PSMA6: variants seen among roughly 807,000 people sequenced by gnomAD.
PSMA6 encodes proteasome subunit alpha type-6.
For missense variants in PSMA6, 170 were observed against 294.8 expected (o/e 0.58, Z 3.10); for synonymous variants, 88 against 97.7 (o/e 0.90, Z 0.59).
rs1308669537 is a variant in PSMA6 at position 35,312,521 on chromosome 14, A to AG, written c.410-360_410-359insG. Among the ~76,000 whole-genome samples, 9 of 116,974 alleles carry AG rather than the reference A, an allele frequency of 7.7e-5. No individual in the cohort carries two copies. In the South Asian group the frequency reaches 8.8e-4, roughly 11 times the overall value. The allele number at this position is 116,974 out of a possible 152,430, so 76.7% of individuals were successfully genotyped here. The stretch of plus-strand genomic sequence containing the variant: ...GAGTCTGTCTCAAAAAAAAAAAAAA[A>AG]AAAAAAAAAAAGTGTTTTTGAAGTT... On this transcript the variant is annotated intron_variant, in intron 4 of 6. Coordinates refer to ENST00000261479, the MANE Select transcript of PSMA6 (RefSeq NM_002791.3).
intron 1 of PSMA6, among the ~76,000 whole-genome samples, chr14:35,297,205 G>A (rs1254312493): frequency 3.2e-5 from 4 of 123,644 alleles, no homozygotes; most frequent in Non-Finnish European, 4.9e-5. Flanking sequence ...AGAACATCCC[G>A]TTTTATTTTT....
At chr14:35,301,398 T>G (rs942568769) in intron 1 of PSMA6, among the ~76,000 whole-genome samples, 1 of 151,704 alleles carries the variant, frequency 6.6e-6, no homozygotes, top group Non-Finnish European at 1.5e-5. Context: ...TCCCAGCTAC[T>G]CAGGAAGCTG....
chr14:35,293,695 C>T (rs1458998170), intron 1 of PSMA6, among the ~76,000 whole-genome samples: 1 of 152,074 alleles, frequency 6.6e-6, no homozygotes, highest in South Asian at 2.1e-4. Flanking sequence ...TAATTTATCC[C>T]CAATTGAAAA....
intron 3 of PSMA6, among the ~76,000 whole-genome samples, chr14:35,310,466 G>A (rs533280557): frequency 3.9e-5 from 6 of 152,314 alleles, no homozygotes; most frequent in Admixed American, 1.3e-4. Flanking sequence ...TCTTTTGGGA[G>A]TTACTGGATA....
intron 1 of PSMA6, 157 bp downstream of exon 1, chr14:35,292,709 G>C (rs1176276051): frequency 8.9e-6 from 12 of 1,353,032 alleles, no homozygotes; most frequent in Non-Finnish European, 1.2e-5. Flanking sequence ...TGTGGTGTTT[G>C]CACCCCCGTC....
At chr14:35,301,015 A>G (rs1050905558) in intron 1 of PSMA6, among the ~76,000 whole-genome samples, 1 of 152,210 alleles carries the variant, frequency 6.6e-6, no homozygotes, top group Non-Finnish European at 1.5e-5. Flanking sequence ...GAGATGACAG[A>G]TTAGTAGTGA....
At chr14:35,311,385 T>C (rs1451975925) in intron 4 of PSMA6, among the ~76,000 whole-genome samples, 1 of 152,246 alleles carries the variant, frequency 6.6e-6, no homozygotes, top group African/African-American at 2.4e-5. Context: ...TTAGATGTGA[T>C]GTAATAAATT....
chr14:35,315,582 C>A (rs1052597371), intron 6 of PSMA6: 1 of 151,368 alleles, frequency 6.6e-6, no homozygotes, highest in African/African-American at 2.4e-5. Flanking sequence ...AAAAAACAAC[C>A]GACAACACCA....
chr14:35,280,535 C>T (rs1237932752), intron 1 of PSMA6, among the ~76,000 whole-genome samples: 1 of 151,828 alleles, frequency 6.6e-6, no homozygotes, highest in African/African-American at 2.4e-5. Flanking sequence ...GCACGTGCCA[C>T]CATGCCCACC....
At chr14:35,300,424 A>G (rs541571552) in intron 1 of PSMA6, among the ~76,000 whole-genome samples, 1 of 152,276 alleles carries the variant, frequency 6.6e-6, no homozygotes, top group East Asian at 1.9e-4. Flanking sequence ...GTGAGCTACG[A>G]TCACACCACT....
chr14:35,286,575 T>C (rs1403572246), intron 1 of PSMA6, among the ~76,000 whole-genome samples: 1 of 152,100 alleles, frequency 6.6e-6, no homozygotes, highest in African/African-American at 2.4e-5. Context: ...GAAGTTATTA[T>C]AGCTAAAAAA....
intron 1 of PSMA6, chr14:35,292,998 A>G (rs773334069): frequency 1.1e-4 from 51 of 459,040 alleles, no homozygotes; most frequent in Middle Eastern, 6.5e-4. Context: ...GAAGCCTGCT[A>G]TATACCAGAC....
upstream of PSMA6, among the ~76,000 whole-genome samples, chr14:35,288,479 C>T (rs574790571): frequency 1.3e-5 from 2 of 152,324 alleles, no homozygotes; most frequent in Admixed American, 1.3e-4. Flanking sequence ...GCCTAGGCGA[C>T]AGAGCGAGGC....
At chr14:35,313,257 A>G (rs2051979114) in intron 5 of PSMA6, 198 bp downstream of exon 5, 3 of 505,638 alleles carry the variant, frequency 5.9e-6, no homozygotes, top group Admixed American at 4.3e-5. Context: ...TTCGTAATGT[A>G]TTTGAGGTGG....
intron 1 of PSMA6, among the ~76,000 whole-genome samples, chr14:35,303,926 C>T (rs796879924): frequency 1.3e-5 from 2 of 148,488 alleles, no homozygotes; most frequent in Middle Eastern, 3.4e-3. Flanking sequence ...TTTTTTTAAA[C>T]GGAGTCTCAC....
intron 1 of PSMA6, among the ~76,000 whole-genome samples, chr14:35,299,612 A>G (rs1054068797): frequency 6.6e-6 from 1 of 151,556 alleles, no homozygotes; most frequent in East Asian, 1.9e-4. Context: ...GTGAGCCACC[A>G]TGCCCAGCCT....
chr14:35,314,642 T>A, intron 6 of PSMA6, 187 bp downstream of exon 6: 1 of 612,124 alleles, frequency 1.6e-6, no homozygotes, highest in Non-Finnish European at 2.4e-6. Flanking sequence ...GAGTCAGATA[T>A]GAAAGCTTTT....
chr14:35,313,095 T>C (rs769773625), intron 5 of PSMA6, 36 bp downstream of exon 5: 8 of 1,495,454 alleles, frequency 5.3e-6, no homozygotes, highest in Non-Finnish European at 7.2e-6. Flanking sequence ...TTTTTTATGC[T>C]ATATAGAACA....
intron 1 of PSMA6, chr14:35,278,787 C>G: frequency 6.7e-7 from 1 of 1,495,184 alleles, no homozygotes; most frequent in South Asian, 1.2e-5. Context: ...ATAAATCATT[C>G]TTATATTTTA....
Sources: allele counts gnomAD v4.1 joint callset (sites outside exome capture counted in the v4.1 genomes callset), GRCh38; gene constraint gnomAD v4.1.1; transcripts MANE v1.5; gene names NCBI Gene and HGNC (gene_info 2026-07-23, HGNC 2026-07-21).